Variants in GALNT17 observed in about 807,000 individuals in gnomAD.
The protein encoded by GALNT17 is UDP-GalNAc:polypeptide N-acetylgalactosaminyltransferase-like 3.
In GALNT17, 29 loss-of-function variants were observed where a neutral mutation model predicts 63.7. The ratio of observed to expected loss-of-function variants is 0.46; its 90% CI spans 0.34 to 0.62. The LOEUF is 0.62. Ranked by LOEUF, GALNT17 falls within the 20% of genes least tolerant of loss-of-function variation. The pLI is 0.01. For synonymous variants in GALNT17, 305 were observed against 318.3 expected, an observed-to-expected ratio of 0.96 and a Z score of 0.45; for missense variants, 603 against 799.6, an observed-to-expected ratio of 0.75 and a Z score of 2.97.
At chr7:71,322,060 T>C (rs948913602) in intron 1 of GALNT17, among the ~76,000 whole-genome samples, 1 of 151,610 alleles carries the variant, frequency 6.6e-6, no homozygotes, top group Admixed American at 6.6e-5. Flanking sequence ...TAAGCAGCTC[T>C]CTCACATCAG....
intron 2 of GALNT17, among the ~76,000 whole-genome samples, chr7:71,341,002 C>T (rs1315780847): frequency 6.6e-6 from 1 of 152,148 alleles, no homozygotes; most frequent in East Asian, 1.9e-4. Context: ...TGCGCCACTG[C>T]ACTCCAGCCT....
chr7:71,520,455 G>A (rs552771189), intron 5 of GALNT17, among the ~76,000 whole-genome samples: 62 of 152,126 alleles, frequency 4.1e-4, no homozygotes, highest in Admixed American at 9.2e-4. Context: ...CCCAGGAGGC[G>A]GAGGTTGTAG....
chr7:71,140,819 TGAGACTAGCTTGG>T (rs1241596120), intron 1 of GALNT17, among the ~76,000 whole-genome samples: 1 of 147,886 alleles, frequency 6.8e-6, no homozygotes, highest in African/African-American at 2.5e-5. Context: ...ACCAGGAGTT[TGAGACTAGCTTGG>T]GCAACATAGC....
chr7:71,356,453 G>A (rs1339602751), intron 2 of GALNT17, among the ~76,000 whole-genome samples: 5 of 152,144 alleles, frequency 3.3e-5, no homozygotes, highest in African/African-American at 1.2e-4. Flanking sequence ...ACCAGCATTT[G>A]CTGAGGTTCT....
intron 9 of GALNT17, 72 bp from the exon 10 acceptor site, chr7:71,710,689 G>C: frequency 1.9e-6 from 3 of 1,557,768 alleles, no homozygotes; most frequent in Non-Finnish European, 2.6e-6. Flanking sequence ...CGAGAGACCT[G>C]AGCCCTGCTT....
intron 1 of GALNT17, among the ~76,000 whole-genome samples, chr7:71,224,479 C>A (rs531317915): frequency 1.3e-5 from 2 of 152,310 alleles, no homozygotes; most frequent in South Asian, 4.2e-4. Context: ...GAGAGTGCTT[C>A]CAGTTCTCAT....
chr7:71,412,639 C>G (rs1439117581), intron 3 of GALNT17, among the ~76,000 whole-genome samples: 1 of 152,146 alleles, frequency 6.6e-6, no homozygotes, highest in African/African-American at 2.4e-5. Context: ...ACCTCCAGAC[C>G]ATTGTCGTGG....
At chr7:71,432,968 C>T (rs1275749077) in intron 5 of GALNT17, among the ~76,000 whole-genome samples, 1 of 152,174 alleles carries the variant, frequency 6.6e-6, no homozygotes, top group East Asian at 1.9e-4. Flanking sequence ...CACCACCACA[C>T]CTGGCTAATT....
chr7:71,693,468 G>C (rs997358468), intron 9 of GALNT17, among the ~76,000 whole-genome samples: 1 of 151,782 alleles, frequency 6.6e-6, no homozygotes, highest in Admixed American at 6.6e-5. Context: ...ATACTTTATA[G>C]ACATAAAAAA....
At chr7:71,369,879 T>G (rs1022832298) in intron 2 of GALNT17, among the ~76,000 whole-genome samples, 3 of 148,852 alleles carry the variant, frequency 2.0e-5, no homozygotes, top group Non-Finnish European at 4.4e-5. Context: ...AGAGGGATGG[T>G]CCAGATGGCA....
chr7:71,544,584 C>A (rs1788950779), intron 5 of GALNT17, among the ~76,000 whole-genome samples: 1 of 152,194 alleles, frequency 6.6e-6, no homozygotes, highest in Non-Finnish European at 1.5e-5. Context: ...CTCAATCAAC[C>A]TAAGCAGATA....
chr7:71,260,408 A>G (rs1790364630), intron 1 of GALNT17, among the ~76,000 whole-genome samples: 1 of 152,154 alleles, frequency 6.6e-6, no homozygotes, highest in African/African-American at 2.4e-5. Context: ...TGAAACACAC[A>G]GACCTTTGCT....
chr7:71,609,451 G>A (rs1224767002), intron 6 of GALNT17, among the ~76,000 whole-genome samples: 1 of 152,196 alleles, frequency 6.6e-6, no homozygotes, highest in African/African-American at 2.4e-5. Context: ...CAAGAAAGTA[G>A]ACATTGTTGT....
chr7:71,482,660 C>T (rs1374100584), intron 5 of GALNT17, among the ~76,000 whole-genome samples: 1 of 152,082 alleles, frequency 6.6e-6, no homozygotes, highest in Non-Finnish European at 1.5e-5. Flanking sequence ...ATTTGTGTAC[C>T]TAAGCATACC....
rs1562746258 is a variant in GALNT17 at position 71,712,524 on chromosome 7, C to G, written c.*378C>G. On this transcript the variant is annotated 3_prime_UTR_variant, in exon 11 of 11. Coordinates refer to ENST00000333538, the MANE Select transcript of GALNT17 (RefSeq NM_022479.3). The stretch of plus-strand genomic sequence containing the variant: ...TCCTGTGTCTCATCTCTTGCAGCAG[C>G]AGCTGCTGAACTCCAGCCATCAACA... The G allele has an allele frequency of 6.0e-6, 1 of 165,992 alleles. No individual in the cohort carries two copies. The highest frequency in any genetic ancestry group is 1.3e-5 in the Non-Finnish European group (1 of 77,468). 10.3% of individuals were successfully genotyped at this position (165,992 alleles called of 1,614,324 possible).
At chr7:71,184,444 A>G (rs1033044488) in intron 1 of GALNT17, among the ~76,000 whole-genome samples, 4 of 152,192 alleles carry the variant, frequency 2.6e-5, no homozygotes, top group Non-Finnish European at 5.9e-5. Context: ...AAAGCTTATC[A>G]TCAGAGCCCA....
At chr7:71,567,837 C>T (rs1358660449) in intron 5 of GALNT17, among the ~76,000 whole-genome samples, 2 of 152,174 alleles carry the variant, frequency 1.3e-5, no homozygotes, top group Non-Finnish European at 2.9e-5. Context: ...GCAGCACCAG[C>T]GTTTAACTAC....
intron 1 of GALNT17, among the ~76,000 whole-genome samples, chr7:71,243,769 G>A (rs1790045601): frequency 6.6e-6 from 1 of 151,942 alleles, no homozygotes; most frequent in African/African-American, 2.4e-5. Context: ...GCACATTTGG[G>A]GGCAGATAGT....
chr7:71,530,635 G>A (rs928580173), intron 5 of GALNT17, among the ~76,000 whole-genome samples: 53 of 151,626 alleles, frequency 3.5e-4, no homozygotes, highest in African/African-American at 1.2e-3. Flanking sequence ...GTGCAGTGGC[G>A]CCATCTTGGC....
Sources: allele counts gnomAD v4.1 joint callset (sites outside exome capture counted in the v4.1 genomes callset), GRCh38; gene constraint gnomAD v4.1.1; transcripts MANE v1.5; gene names NCBI Gene and HGNC (gene_info 2026-07-23, HGNC 2026-07-21).